PIKFYVE: variants seen among roughly 807,000 people sequenced by gnomAD.
The protein encoded by PIKFYVE is phosphoinositide kinase, FYVE-type zinc finger containing, also known as 1-phosphatidylinositol 3-phosphate 5-kinase.
Under a neutral mutation model 257.9 loss-of-function variants are expected in PIKFYVE, and 122 were observed. The ratio of observed to expected loss-of-function variants is 0.47; its 90% CI spans 0.41 to 0.55. The LOEUF is 0.55. Ranked by LOEUF, PIKFYVE falls within the 20% of genes least tolerant of loss-of-function variation. PIKFYVE has a pLI of 0.00. For missense variants in PIKFYVE, 2,160 were observed against 2,536.6 expected, an observed-to-expected ratio of 0.85 and a Z score of 3.19; for synonymous variants, 892 against 868.9, an observed-to-expected ratio of 1.03 and a Z score of -0.47.
chr2:208,276,536 C>T (rs536097965), intron 3 of PIKFYVE, among the ~76,000 whole-genome samples, 176 bp from the exon 4 acceptor site: 32 of 152,288 alleles, frequency 2.1e-4, no homozygotes, highest in African/African-American at 6.7e-4. Context: ...AGAAGAAATA[C>T]TTTCAGTAGC....
rs377577276 is a variant in PIKFYVE, at chr2:208,271,493, G to A, written c.-9-18G>A. ...TCCTGAGGAATTTAGATTTTTGCTT[G>A]TTTCTTTTGTTTTTCAGACTCATGA... On this transcript the variant is annotated intron_variant, in intron 1 of 41. Coordinates refer to ENST00000264380, the MANE Select transcript of PIKFYVE (RefSeq NM_015040.4). 7 of 1,613,386 alleles carry A rather than the reference G, an allele frequency of 4.3e-6. No individual in the cohort carries two copies. Among genetic ancestry groups the A allele is most frequent in the Non-Finnish European group, 5.1e-6 (6 of 1,179,446 alleles).
chr2:208,352,260 GT>G (rs1341505167), intron 38 of PIKFYVE, among the ~76,000 whole-genome samples: 1 of 152,090 alleles, frequency 6.6e-6, no homozygotes, highest in Non-Finnish European at 1.5e-5. Flanking sequence ...AATGGCCCAG[GT>G]TTGCCCACTT....
chr2:208,345,981 A>G (rs866483354), intron 33 of PIKFYVE, 69 bp from the exon 34 acceptor site: 3 of 1,072,834 alleles, frequency 2.8e-6, no homozygotes, highest in South Asian at 1.3e-5. Context: ...TAATTAGTGT[A>G]GAGTACTTAC....
intron 37 of PIKFYVE, 107 bp from the exon 38 acceptor site, chr2:208,351,245 C>A: frequency 2.9e-6 from 3 of 1,024,206 alleles, no homozygotes; most frequent in Non-Finnish European, 3.0e-6. Flanking sequence ...AGAAAATTCC[C>A]CTTAAAATCA....
intron 7 of PIKFYVE, among the ~76,000 whole-genome samples, chr2:208,297,213 A>G (rs914487621): frequency 6.6e-6 from 1 of 152,160 alleles, no homozygotes; most frequent in Non-Finnish European, 1.5e-5. Context: ...AAAATTGACT[A>G]ATTTTCTTTT....
At chr2:208,345,593 T>C (rs1467295331) in intron 33 of PIKFYVE, among the ~76,000 whole-genome samples, 1 of 152,158 alleles carries the variant, frequency 6.6e-6, no homozygotes, top group Non-Finnish European at 1.5e-5. Flanking sequence ...CCCAAACCAG[T>C]TATTTTGGCA....
intron 12 of PIKFYVE, among the ~76,000 whole-genome samples, chr2:208,307,346 T>C (rs1694447285): frequency 1.3e-5 from 2 of 152,208 alleles, no homozygotes; most frequent in Admixed American, 6.5e-5. Context: ...CTCTTTAGAC[T>C]AACTTTATCA....
intron 5 of PIKFYVE, among the ~76,000 whole-genome samples, chr2:208,285,370 T>A (rs1303181515): frequency 6.6e-6 from 1 of 152,240 alleles, no homozygotes; most frequent in Admixed American, 6.5e-5. Context: ...GTTGGGATTA[T>A]AGGCGTGAGC....
chr2:208,328,427 A>C, intron 21 of PIKFYVE, 147 bp downstream of exon 21: 1 of 949,276 alleles, frequency 1.1e-6, no homozygotes, highest in South Asian at 1.5e-5. Context: ...GAACTTTTAA[A>C]CTTGTGAAGT....
At position 208,271,539 on chromosome 2, in the gene PIKFYVE, C is replaced by A. The variant is rs745387032; in HGVS notation, c.20C>A (p.Thr7Lys). 6.2e-7 allele frequency: 1 copy of A among 1,614,136 alleles called. No homozygotes were observed. Among genetic ancestry groups the A allele is most frequent in the African/African-American group, 1.3e-5 (1 of 75,034 alleles). Reference protein sequence around the residue: MATDDKTSPTLDSANDL... With the variant: MATDDKKSPTLDSANDL... ...CATGAAATGGCCACAGATGATAAGA[C>A]GTCCCCAACACTGGACTCTGCTAAT... The change falls in exon 2 of 42, where the codon ACG becomes AAG. Residue 7 changes from threonine (T) to lysine (K), a missense_variant. Thr to Lys is a moderately conservative substitution (Grantham distance 78). Coordinates refer to ENST00000264380, the MANE Select transcript of PIKFYVE (RefSeq NM_015040.4).
intron 15 of PIKFYVE, among the ~76,000 whole-genome samples, chr2:208,316,479 T>G (rs1695532207): frequency 6.6e-6 from 1 of 151,828 alleles, no homozygotes; most frequent in South Asian, 2.1e-4. Flanking sequence ...TTGAACTAGT[T>G]TACAGTCCCA....
At chr2:208,318,035 A>G (rs1695753873) in intron 16 of PIKFYVE, 94 bp downstream of exon 16, 1 of 1,290,286 alleles carries the variant, frequency 7.8e-7, no homozygotes, top group Non-Finnish European at 1.1e-6. Context: ...AGAAATGGAC[A>G]ATGGACAATG....
chr2:208,338,666 G>A (rs1026318517), intron 29 of PIKFYVE, 98 bp downstream of exon 29: 1 of 1,161,518 alleles, frequency 8.6e-7, no homozygotes, highest in Admixed American at 1.8e-5. Flanking sequence ...TTCCGATGCT[G>A]TTGTTCATAG....
chr2:208,340,185 T>C, intron 31 of PIKFYVE, 54 bp downstream of exon 31: 4 of 1,590,480 alleles, frequency 2.5e-6, no homozygotes, highest in Non-Finnish European at 3.5e-6. Context: ...TTTCCTTAGT[T>C]GCTCGCTTCA....
At chr2:208,335,976 A>G in intron 26 of PIKFYVE, 70 bp from the exon 27 acceptor site, 2 of 1,594,314 alleles carry the variant, frequency 1.3e-6, no homozygotes, top group South Asian at 1.1e-5. Flanking sequence ...TCAAAAATTA[A>G]TAATAGCAGT....
At chr2:208,268,936 G>A (rs897608818) in intron 1 of PIKFYVE, among the ~76,000 whole-genome samples, 3 of 152,156 alleles carry the variant, frequency 2.0e-5, no homozygotes, top group African/African-American at 4.8e-5. Flanking sequence ...AGTGTGAAGA[G>A]CTACAAAAGT....
At position 208,301,103 on chromosome 2, in the gene PIKFYVE, A is replaced by G. The variant is rs1256118111; in HGVS notation, c.1208+9A>G. 1.9e-6 allele frequency: 3 copies of G among 1,613,534 alleles called. No homozygotes were observed. Among genetic ancestry groups the G allele is most frequent in the Middle Eastern group, 1.7e-4 (1 of 6,060 alleles). Reference sequence around the variant, plus strand: ...GGGCATATTGCCACAAGGTATTCTGATCTTAGAAGGTTTCAATATTATTTG... The same window carrying G: ...GGGCATATTGCCACAAGGTATTCTGGTCTTAGAAGGTTTCAATATTATTTG... On this transcript the variant is annotated intron_variant, in intron 9 of 41. Transcript: ENST00000264380.
intron 7 of PIKFYVE, among the ~76,000 whole-genome samples, chr2:208,289,451 G>T (rs990957649): frequency 2.6e-5 from 4 of 151,274 alleles, no homozygotes; most frequent in African/African-American, 9.7e-5. Context: ...TTATTTTTGA[G>T]ACGGAGTCTC....
chr2:208,326,024 G>A lies in PIKFYVE; in HGVS notation c.3213G>A (p.Lys1071=), dbSNP rs759921584. ...GAGAACCCTTTCTTTTAACTGAAAA[G>A]GGGATGAGATGCTCTACCCGAGATT... ...TFREPFLLTE[K]GMRCSTRDYF... The change falls in exon 20 of 42, where the codon AAG becomes AAA. Residue 1071 remains lysine (K), a synonymous_variant. Transcript: ENST00000264380. 4.3e-6 allele frequency: 7 copies of A among 1,614,162 alleles called. No individual in the cohort carries two copies. The highest frequency in any genetic ancestry group is 1.6e-4 in the Middle Eastern group (1 of 6,062).
Sources: gnomAD v4.1 joint callset for allele counts (sites outside exome capture counted in the v4.1 genomes callset) on GRCh38, gnomAD v4.1.1 for gene constraint, MANE v1.5 for transcripts, NCBI Gene and HGNC (gene_info 2026-07-23, HGNC 2026-07-21) for gene names.